Variants in ANK3 observed in about 807,000 individuals in gnomAD.
ANK3 encodes the protein ankyrin 3, also known as ankyrin-3.
In ANK3, 57 loss-of-function variants were observed where a neutral mutation model predicts 370.9. The observed-to-expected ratio is 0.15, with a 90% CI of 0.12 to 0.19. The LOEUF is 0.19. Ranked by LOEUF, ANK3 falls within the 10% of genes least tolerant of loss-of-function variation. The probability of loss-of-function intolerance (pLI) is 1.00; values close to 1 mark genes in which losing one functional copy is unlikely to be tolerated. For missense variants in ANK3, 4,439 were observed against 5,302.1 expected (o/e 0.84, Z 5.06); for synonymous variants, 1,929 against 1,946.3 (o/e 0.99, Z 0.23).
chr10:60,211,518 G>C (rs1326827441), intron 9 of ANK3, among the ~76,000 whole-genome samples: 1 of 152,108 alleles, frequency 6.6e-6, no homozygotes, highest in African/African-American at 2.4e-5. Flanking sequence ...AGTAATACCA[G>C]TATCTCATTT....
intron 1 of ANK3, among the ~76,000 whole-genome samples, chr10:60,647,359 A>G (rs191735316): frequency 5.9e-5 from 9 of 152,320 alleles, no homozygotes; most frequent in African/African-American, 2.2e-4. Flanking sequence ...TGCGGCTGCA[A>G]TACAATGTCC....
rs1220258423 is a variant in ANK3 at position 60,279,211 on chromosome 10, C to A, written c.217-63G>T. 13 of 1,372,118 alleles carry A rather than the reference C, an allele frequency of 9.5e-6. No homozygotes were observed. In the East Asian group the frequency reaches 1.6e-4, roughly 17 times the overall value. 85.0% of individuals were successfully genotyped at this position (1,372,118 alleles called of 1,614,324 possible). On this transcript the variant is annotated intron_variant, in intron 2 of 43. Transcript: ENST00000280772. ...TGAAAATAGAGCAGTAAACAACCGA[C>A]CAAGAACTCCTGAGATATTATAAAG...
intron 1 of ANK3, among the ~76,000 whole-genome samples, chr10:60,373,810 A>G (rs1432695992): frequency 3.3e-5 from 5 of 152,100 alleles, no homozygotes; most frequent in Non-Finnish European, 5.9e-5. Flanking sequence ...TCTAGCACTG[A>G]AAGTGGAATC....
At chr10:60,035,714 G>A (rs1243739773) in intron 43 of ANK3, among the ~76,000 whole-genome samples, 1 of 151,570 alleles carries the variant, frequency 6.6e-6, no homozygotes, top group East Asian at 2.0e-4. Flanking sequence ...AAAAGGCGGG[G>A]TGCGGTGGCT....
At chr10:60,344,851 A>G (rs2055064526) in intron 1 of ANK3, among the ~76,000 whole-genome samples, 1 of 152,228 alleles carries the variant, frequency 6.6e-6, no homozygotes, top group African/African-American at 2.4e-5. Context: ...CAAATGAAAT[A>G]TTTGGTTAAC....
At chr10:60,336,136 G>A (rs1008225875) in intron 1 of ANK3, among the ~76,000 whole-genome samples, 1 of 151,984 alleles carries the variant, frequency 6.6e-6, no homozygotes, top group Non-Finnish European at 1.5e-5. Context: ...GTCACATTGG[G>A]GCAGGTTGGG....
chr10:60,109,365 G>C (rs1318259773), intron 26 of ANK3, among the ~76,000 whole-genome samples: 1 of 152,078 alleles, frequency 6.6e-6, no homozygotes, highest in African/African-American at 2.4e-5. Flanking sequence ...TCTAGTAACA[G>C]GATTCTCATG....
intron 2 of ANK3, among the ~76,000 whole-genome samples, chr10:60,570,437 G>A (rs2077564736): frequency 6.6e-6 from 1 of 152,270 alleles, no homozygotes. Context: ...GGATGGGTAG[G>A]ATGTCACCCA....
At chr10:60,516,530 G>C (rs888396930) in intron 2 of ANK3, among the ~76,000 whole-genome samples, 2 of 152,072 alleles carry the variant, frequency 1.3e-5, no homozygotes, top group African/African-American at 4.8e-5. Flanking sequence ...TTGAAAGACT[G>C]TAGCAACTTA....
At chr10:60,269,374 G>A (rs1390509000) in intron 5 of ANK3, among the ~76,000 whole-genome samples, 1 of 152,056 alleles carries the variant, frequency 6.6e-6, no homozygotes, top group East Asian at 1.9e-4. Flanking sequence ...GGCTGGGCGT[G>A]GTGGCTCACA....
intron 25 of ANK3, among the ~76,000 whole-genome samples, chr10:60,117,849 C>T (rs994197584): frequency 1.3e-5 from 2 of 152,022 alleles, no homozygotes; most frequent in African/African-American, 4.8e-5. Flanking sequence ...TAATATAAGC[C>T]ACATATGTGA....
intron 7 of ANK3, among the ~76,000 whole-genome samples, chr10:60,248,101 C>A (rs1169448365): frequency 1.3e-5 from 2 of 152,310 alleles, no homozygotes; most frequent in East Asian, 3.9e-4. Flanking sequence ...CGGCTTGCCT[C>A]CACCTTTTGG....
chr10:60,344,655 A>T (rs5009084), intron 1 of ANK3, among the ~76,000 whole-genome samples: 105,544 of 151,502 alleles, frequency 0.7, 38,011 homozygotes, highest in South Asian at 0.91. Flanking sequence ...CAAAACTCTT[A>T]AAAAATGTTA....
rs776230615 is a variant in ANK3, at chr10:60,071,495, C to A, written c.9386G>T (p.Arg3129Met). 1 of 1,613,958 alleles carries A rather than the reference C, an allele frequency of 6.2e-7. No individual in the cohort carries two copies. Among genetic ancestry groups the A allele is most frequent in the Non-Finnish European group, 8.5e-7 (1 of 1,179,942 alleles). ...CTGTCTAGTTGTATAAAAGGTCCCC[C>A]TGGTTTCTTGTACTGTCTTACATTC... ...SQECKTVQET[R>M]GTFYTTRQQK... The change falls in exon 37 of 44, where the codon AGG becomes ATG. Residue 3129 changes from arginine to methionine, a missense_variant. Arg to Met is a moderately conservative substitution (Grantham distance 91, BLOSUM62 -1). Transcript: ENST00000280772.
rs746416574 is a variant in ANK3 at position 60,088,199 on chromosome 10, T to C, written c.3488A>G (p.Gln1163Arg). ...ILSSTTVPLVQASFPEGALTK... is the reference protein window; with the variant it reads ...ILSSTTVPLVRASFPEGALTK... ...TAGGGCACCCTCTGGGAAAGATGCTTGAACAAGGGGCACTGTGGTGCTGCT... is the reference window on the plus strand; with the variant it reads ...TAGGGCACCCTCTGGGAAAGATGCTCGAACAAGGGGCACTGTGGTGCTGCT... Residue 1163 changes from glutamine (Q) to arginine (R), a missense_variant, in exon 29 of 44, where the codon CAA becomes CGA. Around this residue, in one of 13 missense-constraint regions of ANK3, gnomAD observed 702 missense variants for 941.5 expected, o/e 0.75. Coordinates refer to ENST00000280772, the MANE Select transcript of ANK3 (RefSeq NM_020987.5). 22 of 1,614,068 alleles carry C rather than the reference T, an allele frequency of 1.4e-5. No homozygotes were observed. The Admixed American group carries it at 3.2e-4, about 23-fold the overall frequency.
chr10:60,543,390 G>A (rs1364705349), intron 2 of ANK3, among the ~76,000 whole-genome samples: 2 of 151,982 alleles, frequency 1.3e-5, no homozygotes, highest in African/African-American at 4.8e-5. Context: ...GCTAAAGATT[G>A]GAAGTGACCC....
In ANK3 at chr10:60,068,803, G is replaced by C. The variant is rs200605397; in HGVS notation, c.12078C>G (p.Ser4026=). The change falls in exon 37 of 44, where the codon TCC becomes TCG. Residue 4026 remains serine (S), a synonymous_variant. Transcript: ENST00000280772. ...TTCTTGAGGTACTTTCTTCCTCATCGGACAACTCGGACTGCATCTTTTTTT... is the reference window on the plus strand; with the variant it reads ...TTCTTGAGGTACTTTCTTCCTCATCCGACAACTCGGACTGCATCTTTTTTT... ...EEEKKMQSEL[S]DEEESTSRNT... is the part of the protein sequence containing the mutation. The C allele has an allele frequency of 1.9e-6, 3 of 1,614,076 alleles. No homozygotes were observed. Among genetic ancestry groups the C allele is most frequent in the Non-Finnish European group, 2.5e-6 (3 of 1,180,038 alleles).
chr10:60,625,359 AG>A (rs2078394916), intron 1 of ANK3, among the ~76,000 whole-genome samples: 1 of 152,160 alleles, frequency 6.6e-6, no homozygotes, highest in African/African-American at 2.4e-5. Flanking sequence ...ATGTGGTAAT[AG>A]ACATTTGAAT....
At chr10:60,414,211 A>G (rs2063615623) in intron 2 of ANK3, among the ~76,000 whole-genome samples, 1 of 152,168 alleles carries the variant, frequency 6.6e-6, no homozygotes, top group Non-Finnish European at 1.5e-5. Flanking sequence ...ATCATGTAAA[A>G]CATGCCCACA....
Sources: gnomAD v4.1 joint callset for allele counts (sites outside exome capture counted in the v4.1 genomes callset) on GRCh38, gnomAD v4.1.1 for gene constraint, gnomAD v4.1.1 regional missense constraint, MANE v1.5 for transcripts, NCBI Gene and HGNC (gene_info 2026-07-23, HGNC 2026-07-21) for gene names.